Variants in DIAPH3 observed in about 807,000 individuals in gnomAD.
DIAPH3 encodes diaphanous related formin 3, also known as protein diaphanous homolog 3.
Under a neutral mutation model 144.3 loss-of-function variants are expected in DIAPH3, and 117 were observed. The observed-to-expected ratio is 0.81, with a 90% CI of 0.70 to 0.95. The LOEUF (loss-of-function observed/expected upper bound fraction) is 0.95. DIAPH3 is among the 40% of genes least tolerant of loss of function. The probability of loss-of-function intolerance (pLI) is 0.00; values close to 1 mark genes in which losing one functional copy is unlikely to be tolerated. For missense variants in DIAPH3, 1,421 were observed against 1,412.7 expected, an observed-to-expected ratio of 1.01 and a Z score of -0.09; for synonymous variants, 519 against 488.9, an observed-to-expected ratio of 1.06 and a Z score of -0.81.
chr13:60,017,065 A>T (rs11843845), intron 5 of DIAPH3, among the ~76,000 whole-genome samples: 13,023 of 152,198 alleles, frequency 0.086, 597 homozygotes, highest in East Asian at 0.14. Flanking sequence ...TATATATGTG[A>T]TTTTATATAT....
At chr13:59,939,256 T>C (rs748013856) in intron 17 of DIAPH3, among the ~76,000 whole-genome samples, 8 of 152,204 alleles carry the variant, frequency 5.3e-5, no homozygotes, top group Admixed American at 4.6e-4. Flanking sequence ...TATAATGATA[T>C]AGATAATGCT....
In DIAPH3 at chr13:59,839,441, T is replaced by C. The variant is rs1483779567; in HGVS notation, c.2745A>G (p.Val915=). The C allele has an allele frequency of 4.3e-6, 7 of 1,613,078 alleles. No homozygotes were observed. Among genetic ancestry groups the C allele is most frequent in the Non-Finnish European group, 5.1e-6 (6 of 1,179,612 alleles). ...GCCTCAAATTCTTTTCCAGCGTTTC[T>C]ACAGAGACTAAAAGAGAGTATATTA... ...EPLDKASKVS[V]ETLEKNLRQM... The change falls in exon 23 of 28, where the codon GTA becomes GTG. Residue 915 remains valine, a synonymous_variant. Transcript: ENST00000400324.
At position 59,992,596 on chromosome 13, in the gene DIAPH3, A is replaced by T; in HGVS notation, c.1015-13T>A. On this transcript the variant is annotated splice_polypyrimidine_tract_variant and intron_variant, in intron 9 of 27. Transcript: ENST00000400324. Reference sequence around the variant, plus strand: ...GCATACAAGCTACCTACAAGAGATCAAACAGTGAGACAGACTGGGTTTCCA... The same window carrying T: ...GCATACAAGCTACCTACAAGAGATCTAACAGTGAGACAGACTGGGTTTCCA... 5 of 1,595,702 alleles carry T rather than the reference A, an allele frequency of 3.1e-6. No individual in the cohort carries two copies. Among genetic ancestry groups the T allele is most frequent in the Non-Finnish European group, 4.3e-6 (5 of 1,164,826 alleles).
intron 5 of DIAPH3, among the ~76,000 whole-genome samples, chr13:60,025,736 A>G (rs1317839285): frequency 6.6e-6 from 1 of 152,192 alleles, no homozygotes; most frequent in Non-Finnish European, 1.5e-5. Context: ...TTAAAACAGA[A>G]AAGGGGTAGT....
At chr13:60,022,660 T>C (rs1183584973) in intron 5 of DIAPH3, among the ~76,000 whole-genome samples, 1 of 152,144 alleles carries the variant, frequency 6.6e-6, no homozygotes, top group Non-Finnish European at 1.5e-5. Flanking sequence ...AGGACACAAG[T>C]CATACTGGAT....
At chr13:60,072,688 C>A (rs573935877) in intron 4 of DIAPH3, among the ~76,000 whole-genome samples, 1 of 151,904 alleles carries the variant, frequency 6.6e-6, no homozygotes, top group Non-Finnish European at 1.5e-5. Flanking sequence ...AGTTGAAACA[C>A]AATCCAGACA....
intron 27 of DIAPH3, among the ~76,000 whole-genome samples, chr13:59,714,962 C>A (rs549799419): frequency 7.0e-6 from 1 of 142,524 alleles, no homozygotes; most frequent in Admixed American, 6.8e-5. Flanking sequence ...CTCCCAAGAA[C>A]AATAAGGGAG....
chr13:59,776,355 T>A (rs1258073204), intron 25 of DIAPH3, among the ~76,000 whole-genome samples: 3 of 152,120 alleles, frequency 2.0e-5, no homozygotes, highest in African/African-American at 7.2e-5. Context: ...ATAAATGTAA[T>A]TCTAAGTGAT....
chr13:60,084,003 T>TAGACAGAC (rs766359105), intron 4 of DIAPH3, among the ~76,000 whole-genome samples: 2 of 129,952 alleles, frequency 1.5e-5, no homozygotes, highest in Admixed American at 7.9e-5. Context: ...GATAGATAGA[T>TAGACAGAC]AGACAGATAG....
intron 4 of DIAPH3, among the ~76,000 whole-genome samples, chr13:60,052,959 T>TAAAAAAAAAACAAAAA (rs2056409205): frequency 4.9e-5 from 2 of 40,660 alleles, no homozygotes; most frequent in Non-Finnish European, 8.0e-5. Context: ...GACTCCCTCT[T>TAAAAAAAAAACAAAAA]AAAAAAAAAA....
chr13:59,739,754 C>T (rs751211093), intron 27 of DIAPH3, among the ~76,000 whole-genome samples: 2 of 152,040 alleles, frequency 1.3e-5, no homozygotes, highest in Non-Finnish European at 2.9e-5. Flanking sequence ...ACAGAGACTC[C>T]TGCAAAGCAC....
intron 25 of DIAPH3, among the ~76,000 whole-genome samples, chr13:59,780,699 C>T (rs746190221): frequency 1.7e-4 from 26 of 152,218 alleles, no homozygotes; most frequent in Middle Eastern, 3.4e-3. Context: ...CGAAAGAAGG[C>T]GGAACTGCTA....
chr13:59,789,225 C>T (rs1343854380), intron 25 of DIAPH3, among the ~76,000 whole-genome samples: 1 of 152,040 alleles, frequency 6.6e-6, no homozygotes, highest in Non-Finnish European at 1.5e-5. Flanking sequence ...GAGCGAACAC[C>T]CACGATCCTT....
chr13:59,845,476 TTCAA>T (rs1361420527), intron 22 of DIAPH3, among the ~76,000 whole-genome samples: 1 of 152,198 alleles, frequency 6.6e-6, no homozygotes, highest in Non-Finnish European at 1.5e-5. Context: ...CCCTTTCCTG[TTCAA>T]TGCATGTCAG....
Position 60,118,592 on chromosome 13 carries a change from G to A in DIAPH3, c.214-6406C>T, listed in dbSNP as rs889244485. Among the ~76,000 whole-genome samples, 5 of 152,186 alleles carry A rather than the reference G, an allele frequency of 3.3e-5. No individual in the cohort carries two copies. In the East Asian group the frequency reaches 5.8e-4, roughly 18 times the overall value. On this transcript the variant is annotated intron_variant, in intron 2 of 27. Transcript: ENST00000400324. ...TCTCTATTTTCAGGCAATCTTACAC[G>A]ACGCTTAAGAGGGGGTAAAAACCTA...
intron 25 of DIAPH3, among the ~76,000 whole-genome samples, chr13:59,801,298 T>C (rs574744015): frequency 3.7e-4 from 56 of 152,328 alleles, no homozygotes; most frequent in African/African-American, 1.3e-3. Context: ...AAAGAGGAAC[T>C]GTCACACATT....
intron 27 of DIAPH3, among the ~76,000 whole-genome samples, chr13:59,745,248 C>T (rs2036643416): frequency 6.6e-6 from 1 of 152,144 alleles, no homozygotes; most frequent in Non-Finnish European, 1.5e-5. Context: ...AACAACACAG[C>T]AGGGGCCAGT....
At chr13:59,717,427 T>C (rs547053132) in intron 27 of DIAPH3, among the ~76,000 whole-genome samples, 25 of 152,192 alleles carry the variant, frequency 1.6e-4, no homozygotes, top group African/African-American at 4.3e-4. Context: ...GAACTTCTGG[T>C]CTCTGTTGCT....
intron 1 of DIAPH3, among the ~76,000 whole-genome samples, chr13:60,154,932 T>G (rs1016571118): frequency 1.3e-5 from 2 of 152,218 alleles, no homozygotes; most frequent in African/African-American, 4.8e-5. Flanking sequence ...TAGCAGTTTT[T>G]TCCTGTATTA....
Sources: allele counts gnomAD v4.1 joint callset (sites outside exome capture counted in the v4.1 genomes callset), GRCh38; gene constraint gnomAD v4.1.1; transcripts MANE v1.5; gene names NCBI Gene and HGNC (gene_info 2026-07-23, HGNC 2026-07-21).